VPS8: variants seen among roughly 807,000 people sequenced by gnomAD.
VPS8 encodes VPS8 subunit of CORVET complex.
In VPS8, 129 loss-of-function variants were observed where a neutral mutation model predicts 216.4. That is an observed-to-expected ratio of 0.60 (90% confidence interval 0.52 to 0.69). The LOEUF (loss-of-function observed/expected upper bound fraction) is 0.69, where lower values mean the gene tolerates loss of function less well. Ranked by LOEUF, VPS8 falls within the 30% of genes least tolerant of loss-of-function variation. VPS8 has a pLI of 0.00. For missense variants in VPS8, 1,531 were observed against 1,683.5 expected (o/e 0.91, Z 1.59); for synonymous variants, 571 against 565.4 (o/e 1.01, Z -0.14).
At chr3:184,944,594 G>A in intron 36 of VPS8, 1 of 984,452 alleles carries the variant, frequency 1.0e-6, no homozygotes, top group Non-Finnish European at 1.2e-6. Flanking sequence ...GAATGTGCAA[G>A]TATATTTATA....
At chr3:184,903,034 T>G (rs1734851673) in intron 25 of VPS8, among the ~76,000 whole-genome samples, 1 of 152,188 alleles carries the variant, frequency 6.6e-6, no homozygotes, top group Non-Finnish European at 1.5e-5. Context: ...TACCATTTAT[T>G]GGTAAGATTA....
At chr3:184,968,756 T>G (rs1219142953) in intron 39 of VPS8, among the ~76,000 whole-genome samples, 1 of 152,200 alleles carries the variant, frequency 6.6e-6, no homozygotes, top group Non-Finnish European at 1.5e-5. Flanking sequence ...AAAACAGCCC[T>G]CCTGAAGATC....
At chr3:184,979,688 G>C (rs1312604154) in intron 40 of VPS8, among the ~76,000 whole-genome samples, 1 of 152,036 alleles carries the variant, frequency 6.6e-6, no homozygotes, top group Non-Finnish European at 1.5e-5. Flanking sequence ...GAGTCTATGG[G>C]TATCATTGCG....
At chr3:184,831,553 G>A (rs894436315) in intron 3 of VPS8, among the ~76,000 whole-genome samples, 4 of 152,150 alleles carry the variant, frequency 2.6e-5, no homozygotes, top group Non-Finnish European at 5.9e-5. Context: ...ATCAACTTGG[G>A]CAAAGCCAAG....
chr3:184,887,504 G>T (rs2108882434), intron 22 of VPS8, among the ~76,000 whole-genome samples: 1 of 151,688 alleles, frequency 6.6e-6, no homozygotes, highest in East Asian at 1.9e-4. Flanking sequence ...TTTTATAACA[G>T]TGAGGTAGGG....
At chr3:184,966,958 CTGTT>C (rs1426356498) in intron 39 of VPS8, among the ~76,000 whole-genome samples, 1 of 141,506 alleles carries the variant, frequency 7.1e-6, no homozygotes, top group Non-Finnish European at 1.5e-5. Flanking sequence ...AAATTATGCA[CTGTT>C]TGTTGGTTAT....
intron 40 of VPS8, among the ~76,000 whole-genome samples, chr3:184,976,095 T>A (rs570037296): frequency 2.0e-5 from 3 of 152,178 alleles, no homozygotes; most frequent in East Asian, 3.8e-4. Context: ...TGTATATGTT[T>A]ATAATTATTA....
chr3:185,044,726 C>T (rs1712477834), intron 46 of VPS8, among the ~76,000 whole-genome samples: 1 of 152,136 alleles, frequency 6.6e-6, no homozygotes, highest in Non-Finnish European at 1.5e-5. Context: ...CCTGCAGAGA[C>T]TTTCTGCCAC....
intron 14 of VPS8, among the ~76,000 whole-genome samples, chr3:184,858,105 A>T (rs1293854734): frequency 1.3e-5 from 2 of 152,194 alleles, no homozygotes; most frequent in African/African-American, 4.8e-5. Context: ...CCCAGGTTGA[A>T]TTGAATGCCA....
At chr3:184,920,443 A>G (rs1231118789) in intron 29 of VPS8, among the ~76,000 whole-genome samples, 1 of 152,220 alleles carries the variant, frequency 6.6e-6, no homozygotes, top group Non-Finnish European at 1.5e-5. Flanking sequence ...AGAAAGGCAT[A>G]TGGTGATAAT....
At chr3:184,958,978 T>G (rs1458821585) in intron 37 of VPS8, among the ~76,000 whole-genome samples, 2 of 152,234 alleles carry the variant, frequency 1.3e-5, no homozygotes, top group African/African-American at 4.8e-5. Context: ...TTTAGGCTTT[T>G]TAAAAATCTC....
chr3:184,862,143 A>T (rs1198485294), intron 15 of VPS8, among the ~76,000 whole-genome samples: 5 of 152,196 alleles, frequency 3.3e-5, no homozygotes, highest in African/African-American at 1.2e-4. Context: ...AATACCAGAG[A>T]CATAAAGGGC....
intron 29 of VPS8, among the ~76,000 whole-genome samples, chr3:184,921,596 C>CT (rs1348569853): frequency 6.6e-6 from 1 of 151,440 alleles, no homozygotes; most frequent in Non-Finnish European, 1.5e-5. Flanking sequence ...TTTTTTGAGA[C>CT]TGAGTCTTGC....
chr3:184,922,304 C>A, intron 29 of VPS8: 1 of 335,012 alleles, frequency 3.0e-6, no homozygotes, highest in Middle Eastern at 5.0e-4. Context: ...CTTCAGTTAG[C>A]ACACTGTAGT....
chr3:184,952,410 A>C (rs1486639841), intron 36 of VPS8, among the ~76,000 whole-genome samples: 1 of 152,178 alleles, frequency 6.6e-6, no homozygotes, highest in Non-Finnish European at 1.5e-5. Flanking sequence ...ATCCTTGCCA[A>C]CTGAAGAATC....
At chr3:184,866,564 G>A (rs1289159871) in intron 16 of VPS8, among the ~76,000 whole-genome samples, 1 of 152,148 alleles carries the variant, frequency 6.6e-6, no homozygotes, top group African/African-American at 2.4e-5. Flanking sequence ...CAGTACTGTT[G>A]TTTAACAAAA....
chr3:184,959,821 ATTCTT>A (rs1462853956), intron 37 of VPS8, among the ~76,000 whole-genome samples: 1 of 150,190 alleles, frequency 6.7e-6, no homozygotes, highest in South Asian at 2.1e-4. Flanking sequence ...TTTCCCTTCT[ATTCTT>A]TTATTTTTAT....
intron 37 of VPS8, among the ~76,000 whole-genome samples, chr3:184,964,081 T>G (rs913220788): frequency 6.6e-6 from 1 of 152,094 alleles, no homozygotes; most frequent in Non-Finnish European, 1.5e-5. Flanking sequence ...TTTATTAATT[T>G]TTATTAATAT....
At chr3:184,983,856 T>C (rs1750608035) in intron 42 of VPS8, among the ~76,000 whole-genome samples, 1 of 149,290 alleles carries the variant, frequency 6.7e-6, no homozygotes, top group Non-Finnish European at 1.5e-5. Flanking sequence ...ATGATTTTTA[T>C]TCAATGAAGA....
Sources: allele counts gnomAD v4.1 joint callset (sites outside exome capture counted in the v4.1 genomes callset), GRCh38; gene constraint gnomAD v4.1.1; transcripts MANE v1.5; gene names NCBI Gene and HGNC (gene_info 2026-07-23, HGNC 2026-07-21).